Variants in DPP10 observed in about 807,000 individuals in gnomAD.
DPP10 encodes dipeptidyl peptidase like 10, also known as inactive dipeptidyl peptidase 10.
A neutral mutation model predicts 120.9 loss-of-function variants in DPP10; 33 were observed. The ratio of observed to expected loss-of-function variants is 0.27; its 90% CI spans 0.21 to 0.37. The LOEUF (loss-of-function observed/expected upper bound fraction) is 0.37, where lower values mean the gene tolerates loss of function less well. Ranked by LOEUF, DPP10 falls within the 10% of genes least tolerant of loss-of-function variation. The pLI, the probability that DPP10 is intolerant of heterozygous loss-of-function variation, is 1.00. For missense variants in DPP10, 816 were observed against 942.8 expected (o/e 0.87, Z 1.76); for synonymous variants, 337 against 326.1 (o/e 1.03, Z -0.36).
intron 21 of DPP10, among the ~76,000 whole-genome samples, chr2:115,827,407 T>C (rs1205703769): frequency 1.5e-3 from 45 of 30,642 alleles, no homozygotes; most frequent in African/African-American, 2.7e-3. Context: ...TGTGTGTATG[T>C]GTGTGTGTAT....
At chr2:115,047,536 C>T (rs1705158403) in intron 1 of DPP10, among the ~76,000 whole-genome samples, 1 of 151,830 alleles carries the variant, frequency 6.6e-6, no homozygotes, top group Admixed American at 6.6e-5. Flanking sequence ...TTATTTTAAA[C>T]AGTAAAATTT....
At chr2:115,389,502 C>G (rs1559530557) in intron 3 of DPP10, among the ~76,000 whole-genome samples, 1 of 152,160 alleles carries the variant, frequency 6.6e-6, no homozygotes. Context: ...TCACATGAGC[C>G]TGATACTTGG....
chr2:115,265,574 T>C (rs1365308794), intron 1 of DPP10, among the ~76,000 whole-genome samples: 1 of 152,082 alleles, frequency 6.6e-6, no homozygotes, highest in Non-Finnish European at 1.5e-5. Flanking sequence ...GTATACATTA[T>C]GATTTATTTT....
chr2:114,893,401 C>T (rs775236324), intron 1 of DPP10, among the ~76,000 whole-genome samples: 9 of 151,922 alleles, frequency 5.9e-5, no homozygotes, highest in Non-Finnish European at 1.3e-4. Context: ...GACGTATAGG[C>T]GGTGATTTCA....
Position 115,815,542 on chromosome 2 carries a change from C to T in DPP10, c.1896-133C>T, listed in dbSNP as rs1018458227. ...GATTTTGGAGTATATGACCCTAATA[C>T]ATGAACAGAGCTACAGTTAGTAAAG... On this transcript the variant is annotated intron_variant, in intron 20 of 25. Transcript: ENST00000410059. 2.4e-5 allele frequency: 18 copies of T among 737,792 alleles called. No homozygotes were observed. In the African/African-American group the frequency reaches 2.7e-4, roughly 11 times the overall value. 45.7% of individuals were successfully genotyped at this position (737,792 alleles called of 1,614,324 possible). A position where few individuals can be genotyped will look rare whatever the true frequency, so the allele number is the denominator to read the frequency against.
intron 1 of DPP10, among the ~76,000 whole-genome samples, chr2:115,052,837 A>C (rs934215733): frequency 4.0e-5 from 6 of 151,810 alleles, no homozygotes; most frequent in African/African-American, 1.5e-4. Context: ...CTGTAATCCC[A>C]GCTACTCAGG....
chr2:115,260,497 C>T (rs1246092589), intron 1 of DPP10, among the ~76,000 whole-genome samples: 1 of 152,106 alleles, frequency 6.6e-6, no homozygotes, highest in African/African-American at 2.4e-5. Context: ...GAAATGAGTC[C>T]ATAAACACAA....
intron 1 of DPP10, among the ~76,000 whole-genome samples, chr2:115,045,980 TG>T (rs1705035496): frequency 1.4e-5 from 2 of 146,158 alleles, no homozygotes; most frequent in Non-Finnish European, 3.0e-5. Context: ...AGAGCCATTT[TG>T]TGTGTGCTGA....
intron 3 of DPP10, among the ~76,000 whole-genome samples, chr2:115,459,857 G>A (rs559194258): frequency 6.7e-6 from 1 of 150,054 alleles, no homozygotes; most frequent in South Asian, 2.1e-4. Context: ...AGCTGGAAAG[G>A]ACTACCATGT....
chr2:115,315,292 CACAT>C (rs911711074), intron 2 of DPP10, among the ~76,000 whole-genome samples: 1 of 151,818 alleles, frequency 6.6e-6, no homozygotes, highest in African/African-American at 2.4e-5. Context: ...CACACACACA[CACAT>C]ACATCTATAT....
At chr2:115,726,698 A>G (rs1018158283) in intron 7 of DPP10, among the ~76,000 whole-genome samples, 16 of 152,184 alleles carry the variant, frequency 1.1e-4, no homozygotes, top group Non-Finnish European at 7.4e-5. Context: ...AATGCTTGTT[A>G]AATCACCAGA....
At chr2:114,627,420 C>T (rs528392320) in intron 1 of DPP10, among the ~76,000 whole-genome samples, 2 of 152,104 alleles carry the variant, frequency 1.3e-5, no homozygotes, top group Middle Eastern at 3.4e-3. Flanking sequence ...GTTAAAACAC[C>T]CCATGCCAGA....
intron 1 of DPP10, among the ~76,000 whole-genome samples, chr2:114,894,885 G>T (rs754285639): frequency 6.6e-6 from 1 of 152,114 alleles, no homozygotes; most frequent in South Asian, 2.1e-4. Flanking sequence ...AAAGGACATA[G>T]CTTATGAGAA....
At chr2:115,761,953 T>C (rs1680164043) in intron 11 of DPP10, among the ~76,000 whole-genome samples, 1 of 152,172 alleles carries the variant, frequency 6.6e-6, no homozygotes, top group South Asian at 2.1e-4. Flanking sequence ...TATTAAAGCT[T>C]GTTTTTTCTA....
rs190376810 is a variant in DPP10, at chr2:115,415,042, C to G, written c.271+71130C>G. Among the ~76,000 whole-genome samples the G allele has an allele frequency of 4.6e-5, 7 of 152,284 alleles. No individual in the cohort carries two copies. In the East Asian group the frequency reaches 1.4e-3, roughly 29 times the overall value. On this transcript the variant is annotated intron_variant, in intron 3 of 25. Coordinates refer to ENST00000410059, the MANE Select transcript of DPP10 (RefSeq NM_020868.6). ...GTCATTATCTTAGATCTTAGCCTTA[C>G]TTGTGCCTTATTCTGTTCTTTAACT... is the stretch of plus-strand genomic sequence containing the variant.
intron 1 of DPP10, among the ~76,000 whole-genome samples, chr2:114,812,716 T>G (rs992216910): frequency 1.3e-5 from 2 of 151,446 alleles, no homozygotes; most frequent in African/African-American, 4.8e-5. Context: ...CCACAGTCTT[T>G]TGTTTGTTTG....
chr2:115,596,762 C>T (rs1339619985), intron 5 of DPP10, among the ~76,000 whole-genome samples: 1 of 151,986 alleles, frequency 6.6e-6, no homozygotes, highest in Non-Finnish European at 1.5e-5. Flanking sequence ...GTTAAGATGA[C>T]CAGAGAAAGC....
intron 1 of DPP10, among the ~76,000 whole-genome samples, chr2:115,046,405 C>T (rs1000491357): frequency 1.3e-5 from 2 of 152,102 alleles, no homozygotes; most frequent in African/African-American, 4.8e-5. Context: ...CTTCACAACC[C>T]CTGGGCATTT....
intron 1 of DPP10, among the ~76,000 whole-genome samples, chr2:114,618,260 G>C (rs1028453527): frequency 6.6e-6 from 1 of 151,918 alleles, no homozygotes. Flanking sequence ...TGAAATACCA[G>C]ACTTGATTGA....
Sources: allele counts gnomAD v4.1 joint callset (sites outside exome capture counted in the v4.1 genomes callset), GRCh38; gene constraint gnomAD v4.1.1; transcripts MANE v1.5; gene names NCBI Gene and HGNC (gene_info 2026-07-23, HGNC 2026-07-21).